The following RFX1 variants were observed in gnomAD, a reference collection of about 807,000 sequenced individuals.
The protein encoded by RFX1 is regulatory factor X1.
RFX1 carries 42 observed loss-of-function variants against 119.6 expected under a neutral mutation model. That is an observed-to-expected ratio of 0.35 (90% CI 0.27 to 0.45). The LOEUF is 0.45. RFX1 is among the 20% of genes least tolerant of loss of function. The probability of loss-of-function intolerance (pLI) is 1.00; values close to 1 mark genes in which losing one functional copy is unlikely to be tolerated. For missense variants in RFX1, 1,118 were observed against 1,368.1 expected (o/e 0.82, Z 2.88); for synonymous variants, 628 against 618.5 (o/e 1.02, Z -0.23).
rs181007323 is a variant in RFX1 at position 13,982,940 on chromosome 19, C to T, written c.513+247G>A. On this transcript the variant is annotated intron_variant, in intron 4 of 20. Transcript: ENST00000254325. Reference sequence around the variant, plus strand: ...CGGGACACTGGGTTGGACCCGCAAACCACCTTCCCAACTATACATCTTGTT... The same window carrying T: ...CGGGACACTGGGTTGGACCCGCAAATCACCTTCCCAACTATACATCTTGTT... 4.4e-5 allele frequency: 23 copies of T among 526,238 alleles called. No homozygotes were observed. The African/African-American group carries it at 4.5e-4, about 10-fold the overall frequency. The allele number at this position is 526,238 out of a possible 1,614,324, so 32.6% of individuals were successfully genotyped here. A position where few individuals can be genotyped will look rare whatever the true frequency, so the allele number is the denominator to read the frequency against.
intron 7 of RFX1, among the ~76,000 whole-genome samples, chr19:13,979,009 G>A (rs1227362201): frequency 6.6e-6 from 1 of 151,486 alleles, no homozygotes; most frequent in Non-Finnish European, 1.5e-5. Flanking sequence ...CCGGGGCGGC[G>A]GCTCCGGCGG....
intron 1 of RFX1, among the ~76,000 whole-genome samples, chr19:14,005,502 G>GCT (rs1975341424): frequency 6.6e-6 from 1 of 152,212 alleles, no homozygotes; most frequent in South Asian, 2.1e-4. Flanking sequence ...AAGGAATGAG[G>GCT]AGTCCCGGTA....
At chr19:13,992,832 G>T (rs755600025) in intron 2 of RFX1, among the ~76,000 whole-genome samples, 1 of 152,170 alleles carries the variant, frequency 6.6e-6, no homozygotes, top group African/African-American at 2.4e-5. Context: ...GCAAAGAGAG[G>T]TCAGAACAGC....
At chr19:13,977,478 A>ACGAT (rs756020910) in intron 8 of RFX1, among the ~76,000 whole-genome samples, 1 of 150,850 alleles carries the variant, frequency 6.6e-6, no homozygotes, top group Non-Finnish European at 1.5e-5. Flanking sequence ...GTACAGTGGC[A>ACGAT]CGATCTCAGC....
intron 7 of RFX1, among the ~76,000 whole-genome samples, chr19:13,978,699 G>A (rs1047321714): frequency 2.6e-5 from 4 of 151,852 alleles, no homozygotes; most frequent in East Asian, 1.9e-4. Flanking sequence ...CAGACTGGGC[G>A]CCCCCGCCCC....
chr19:13,963,143 G>A lies in RFX1; in HGVS notation c.2703C>T (p.Thr901=), dbSNP rs1483837258. The A allele has an allele frequency of 1.9e-6, 3 of 1,611,972 alleles. No homozygotes were observed. Among genetic ancestry groups the A allele is most frequent in the East Asian group, 2.2e-5 (1 of 44,810 alleles). Residue 901 remains threonine (T), a synonymous_variant, in exon 19 of 21, where the codon ACC becomes ACT. Coordinates refer to ENST00000254325, the MANE Select transcript of RFX1 (RefSeq NM_002918.5). ...EHRVAQAKGE[T]PIAVMGEFAN... ...GCACCTCGCCCATGACGGCGATGGG[G>A]GTCTCGCCCTTGGCCTGGGCTACGC... is the stretch of plus-strand genomic sequence containing the variant.
chr19:13,993,850 G>T lies in RFX1; in HGVS notation c.-7C>A. ...TATACGCCTGTGTTGCCATGCCAAC[G>T]GTGGGGAAAATGATAATAAATAAGG... On this transcript the variant is annotated 5_prime_UTR_variant, in exon 2 of 21. Transcript: ENST00000254325. The T allele has an allele frequency of 6.5e-7, 1 of 1,535,984 alleles. No homozygotes were observed. Among genetic ancestry groups the T allele is most frequent in the Non-Finnish European group, 8.7e-7 (1 of 1,148,640 alleles).
rs1974498264 is a variant in RFX1, at chr19:13,983,503, C to T, written c.412G>A (p.Val138Met). 1.2e-6 allele frequency: 2 copies of T among 1,610,112 alleles called. No homozygotes were observed. Among genetic ancestry groups the T allele is most frequent in the Admixed American group, 1.7e-5 (1 of 59,768 alleles). Residue 138 changes from valine (V) to methionine (M), a missense_variant, in exon 3 of 21, where the codon GTG (valine) becomes ATG (methionine). By Grantham distance (21) the Val-to-Met change is conservative. Coordinates refer to ENST00000254325, the MANE Select transcript of RFX1 (RefSeq NM_002918.5). ...CATCCTACCTGCTGGGTGCCCTGCA[C>T]CTGCTGAACCACCTGAGTAGGAACG... ...TGVPTQVVQQ[V>M]QGTQQRLLVQ... is the part of the protein sequence containing the mutation.
chr19:13,997,885 G>A (rs1975088836), intron 1 of RFX1, among the ~76,000 whole-genome samples: 1 of 152,120 alleles, frequency 6.6e-6, no homozygotes, highest in African/African-American at 2.4e-5. Flanking sequence ...AGAGGGAAAA[G>A]GCTGCTGCCT....
rs748916107 is a variant in RFX1 at position 13,977,562 on chromosome 19, G to A, written c.929+430C>T. On this transcript the variant is annotated intron_variant, in intron 8 of 20. Transcript: ENST00000254325. ...CTCCCGAGTAGCTGGAATTACAGGT[G>A]CCTGCCACCACTCCTGGCTAACTTT... Among the ~76,000 whole-genome samples the A allele has an allele frequency of 2.0e-5, 3 of 151,870 alleles. No individual in the cohort carries two copies. The South Asian group carries it at 6.2e-4, about 32-fold the overall frequency.
At chr19:13,971,320 G>A (rs1485628753) in intron 9 of RFX1, among the ~76,000 whole-genome samples, 1 of 151,824 alleles carries the variant, frequency 6.6e-6, no homozygotes, top group African/African-American at 2.4e-5. Context: ...TGGGTGACAA[G>A]AGCAAAACTC....
intron 12 of RFX1, among the ~76,000 whole-genome samples, chr19:13,967,495 CAG>C (rs1973942618): frequency 6.8e-6 from 1 of 147,348 alleles, no homozygotes; most frequent in Admixed American, 6.8e-5. Context: ...TTTCCTGAGA[CAG>C]AGTCTCACTC....
At chr19:14,003,888 G>A (rs1381526344) in intron 1 of RFX1, among the ~76,000 whole-genome samples, 1 of 151,894 alleles carries the variant, frequency 6.6e-6, no homozygotes, top group Non-Finnish European at 1.5e-5. Flanking sequence ...CAGATAATTG[G>A]TAACATCACT....
chr19:13,979,938 C>T (rs1326195948), intron 6 of RFX1, among the ~76,000 whole-genome samples: 1 of 151,580 alleles, frequency 6.6e-6, no homozygotes, highest in African/African-American at 2.4e-5. Context: ...CGGAGGCTGG[C>T]GGAGGAGGGT....
chr19:13,987,571 C>T (rs563294814), intron 2 of RFX1, among the ~76,000 whole-genome samples: 2 of 152,180 alleles, frequency 1.3e-5, no homozygotes, highest in South Asian at 2.1e-4. Context: ...CACGTGGCCC[C>T]GGCCACCCTT....
chr19:13,969,685 A>T lies in RFX1; in HGVS notation c.1496+309T>A. On this transcript the variant is annotated intron_variant, in intron 10 of 20. Coordinates refer to ENST00000254325, the MANE Select transcript of RFX1 (RefSeq NM_002918.5). This position sits in a 1 kb window ranked among gnomAD's most constrained non-coding sequence, Gnocchi z 4.5. ...CAAAAAAAAAAAAAAGTCACGTGTG[A>T]GCGTGCTGAATGCTAAAGAGAAAAA... is the stretch of plus-strand genomic sequence containing the variant. 3.5e-6 allele frequency: 1 copy of T among 289,720 alleles called. No individual in the cohort carries two copies. Among genetic ancestry groups the T allele is most frequent in the African/African-American group, 2.2e-5 (1 of 45,492 alleles). The allele number at this position is 289,720 out of a possible 1,614,324, so 17.9% of individuals were successfully genotyped here.
At chr19:13,979,772 G>T (rs1300953356) in intron 6 of RFX1, among the ~76,000 whole-genome samples, 2 of 152,088 alleles carry the variant, frequency 1.3e-5, no homozygotes, top group Admixed American at 6.6e-5. Flanking sequence ...TCTGCTCTCC[G>T]CCCCCTCTCC....
rs748292784 is a variant in RFX1 at position 13,966,417 on chromosome 19, T to G, written c.1961+4A>C. On this transcript the variant is annotated splice_donor_region_variant and intron_variant, in intron 14 of 20. Coordinates refer to ENST00000254325, the MANE Select transcript of RFX1 (RefSeq NM_002918.5). This position sits in a 1 kb window ranked among gnomAD's most constrained non-coding sequence, Gnocchi z 6.3. ...CCCTCCCACAGTCGCCGGGCAGTAC[T>G]CACACAGCCAGCGGTGGCGCCTCAC... 2 of 1,593,730 alleles carry G rather than the reference T, an allele frequency of 1.3e-6. No individual in the cohort carries two copies. The highest frequency in any genetic ancestry group is 2.2e-5 in the South Asian group (2 of 90,592).
rs377533889 is a variant in RFX1 at position 13,965,454 on chromosome 19, C to G, written c.2206G>C (p.Val736Leu). Residue 736 changes from valine (V) to leucine (L), a missense_variant, in exon 16 of 21, where the codon GTG becomes CTG. Around this residue, in one of 5 missense-constraint regions of RFX1, gnomAD observed 338 missense variants for 508.9 expected, o/e 0.66. Transcript: ENST00000254325. This position sits in a 1 kb window ranked among gnomAD's most constrained non-coding sequence, Gnocchi z 4.7. ...MVNIPEEMLR[V>L]KVAAAGAFAQ... ...GGACCCCCTCACACTCTCACCTTCA[C>G]CCGCAGCATCTCCTCGGGGATGTTG... is the stretch of plus-strand genomic sequence containing the variant. 1.1e-4 allele frequency: 185 copies of G among 1,613,558 alleles called. No individual in the cohort carries two copies. Among genetic ancestry groups the G allele is most frequent in the Non-Finnish European group, 1.5e-4 (174 of 1,179,736 alleles).
Sources: gnomAD v4.1 joint callset for allele counts (sites outside exome capture counted in the v4.1 genomes callset) on GRCh38, gnomAD v4.1.1 for gene constraint, gnomAD v4.1.1 regional missense constraint, Gnocchi (gnomAD v3.1) non-coding constraint, MANE v1.5 for transcripts, NCBI Gene and HGNC (gene_info 2026-07-23, HGNC 2026-07-21) for gene names.